DYRK1A: variants seen among roughly 807,000 people sequenced by gnomAD.
DYRK1A encodes dual specificity tyrosine-phosphorylation-regulated kinase 1A.
In DYRK1A, 9 loss-of-function variants were observed where a neutral mutation model predicts 79.7. The ratio of observed to expected loss-of-function variants is 0.11; its 90% CI spans 0.07 to 0.20. The LOEUF is 0.20. DYRK1A is among the 10% of genes least tolerant of loss of function. The probability of loss-of-function intolerance (pLI) is 1.00; values close to 1 mark genes in which losing one functional copy is unlikely to be tolerated. For synonymous variants in DYRK1A, 349 were observed against 329.7 expected, an observed-to-expected ratio of 1.06 and a Z score of -0.63; for missense variants, 622 against 956.0, an observed-to-expected ratio of 0.65 and a Z score of 4.61.
chr21:37,519,025 A>G lies in DYRK1A; in HGVS notation c.*6494A>G, dbSNP rs1462043039. 1 of 152,238 alleles carries G rather than the reference A, an allele frequency of 6.6e-6. No individual in the cohort carries two copies. The highest frequency in any genetic ancestry group is 2.4e-5 in the African/African-American group (1 of 41,456). 9.4% of individuals were successfully genotyped at this position (152,238 alleles called of 1,614,324 possible). The stretch of plus-strand genomic sequence containing the variant: ...AATGTTATAAACAAGCCTCCGGGAA[A>G]GGCAGAAATTGCCAGATGTAAGTAT... On this transcript the variant is annotated 3_prime_UTR_variant, in exon 12 of 12. Coordinates refer to ENST00000647188, the MANE Select transcript of DYRK1A (RefSeq NM_001347721.2).
chr21:37,371,867 G>A lies in DYRK1A; in HGVS notation c.-77+4239G>A, dbSNP rs146172088. Among the ~76,000 whole-genome samples the A allele has an allele frequency of 2.0e-5, 3 of 152,116 alleles. No individual in the cohort carries two copies. The East Asian group carries it at 5.8e-4, about 29-fold the overall frequency. On this transcript the variant is annotated intron_variant, in intron 1 of 11. Coordinates refer to ENST00000647188, the MANE Select transcript of DYRK1A (RefSeq NM_001347721.2). Reference sequence around the variant, plus strand: ...CAACTCTATTTTAAATAACATCCCTGTTCATTAAATAACCCCCTAATTTTT... The same window carrying A: ...CAACTCTATTTTAAATAACATCCCTATTCATTAAATAACCCCCTAATTTTT...
chr21:37,438,996 A>G (rs1367396645), intron 2 of DYRK1A, among the ~76,000 whole-genome samples: 1 of 152,170 alleles, frequency 6.6e-6, no homozygotes, highest in Non-Finnish European at 1.5e-5. Flanking sequence ...AATTTTCAGT[A>G]TGCAGTTTTT....
chr21:37,374,364 TC>T (rs923811148), intron 1 of DYRK1A, among the ~76,000 whole-genome samples: 2 of 149,738 alleles, frequency 1.3e-5, no homozygotes, highest in Non-Finnish European at 3.0e-5. Context: ...CCTCTTGAAT[TC>T]CTGTGGATTT....
chr21:37,374,227 C>T (rs1019785419), intron 1 of DYRK1A, among the ~76,000 whole-genome samples: 2 of 151,648 alleles, frequency 1.3e-5, no homozygotes, highest in African/African-American at 4.9e-5. Flanking sequence ...CTTGCTCATA[C>T]CCTCAGCAAA....
chr21:37,406,109 A>G (rs2050141620), intron 1 of DYRK1A, among the ~76,000 whole-genome samples: 1 of 152,036 alleles, frequency 6.6e-6, no homozygotes, highest in African/African-American at 2.4e-5. Context: ...CTGTGGCTAC[A>G]TCCAGTTGTA....
chr21:37,499,352 C>G (rs116169128), intron 9 of DYRK1A, among the ~76,000 whole-genome samples: 6 of 152,194 alleles, frequency 3.9e-5, no homozygotes, highest in African/African-American at 1.4e-4. Context: ...CTAGTAGTTA[C>G]AGCAGCATTT....
rs569413654 is a variant in DYRK1A, at chr21:37,523,469, G to T, written c.*10938G>T. On this transcript the variant is annotated 3_prime_UTR_variant, in exon 12 of 12. Transcript: ENST00000647188. ...TGTAAATGGAAGAAAAAATAAGAGA[G>T]ATTCATTATGTTCTAATGACTATGA... 6.6e-6 allele frequency: 1 copy of T among 152,306 alleles called. No individual in the cohort carries two copies. Among genetic ancestry groups the T allele is most frequent in the East Asian group, 1.9e-4 (1 of 5,184 alleles). 9.4% of individuals were successfully genotyped at this position (152,306 alleles called of 1,614,324 possible).
intron 2 of DYRK1A, among the ~76,000 whole-genome samples, chr21:37,460,870 A>T (rs2051816207): frequency 6.6e-6 from 1 of 152,170 alleles, no homozygotes; most frequent in African/African-American, 2.4e-5. Flanking sequence ...ATTAAAGAAA[A>T]TATAAATTTA....
intron 1 of DYRK1A, among the ~76,000 whole-genome samples, chr21:37,367,832 A>G (rs1484068419): frequency 1.3e-5 from 2 of 150,306 alleles, no homozygotes; most frequent in Non-Finnish European, 3.0e-5. Flanking sequence ...GCGGAGGGAA[A>G]GTTGCGGAGG....
intron 2 of DYRK1A, among the ~76,000 whole-genome samples, chr21:37,442,160 T>A (rs1452390698): frequency 6.6e-6 from 1 of 152,124 alleles, no homozygotes; most frequent in Non-Finnish European, 1.5e-5. Flanking sequence ...CATTGGTTTT[T>A]AGCAGTTTGA....
intron 1 of DYRK1A, among the ~76,000 whole-genome samples, chr21:37,389,969 G>C (rs1341526573): frequency 2.6e-5 from 4 of 151,166 alleles, no homozygotes; most frequent in African/African-American, 9.7e-5. Flanking sequence ...ACTTGCCTGG[G>C]ATGGAATGCA....
chr21:37,404,347 G>A (rs115734702), intron 1 of DYRK1A, among the ~76,000 whole-genome samples: 2,711 of 152,166 alleles, frequency 0.018, 71 homozygotes, highest in African/African-American at 0.061. Flanking sequence ...TCTGTGGCTG[G>A]GTAGGGACCC....
chr21:37,403,201 T>G (rs1205724827), intron 1 of DYRK1A, among the ~76,000 whole-genome samples: 1 of 152,114 alleles, frequency 6.6e-6, no homozygotes, highest in Non-Finnish European at 1.5e-5. Context: ...GAGTTTTCTT[T>G]TTGTTCTTTT....
At chr21:37,383,617 G>C (rs150756232) in intron 1 of DYRK1A, among the ~76,000 whole-genome samples, 1,578 of 152,286 alleles carry the variant, frequency 0.01, 10 homozygotes, top group Middle Eastern at 0.041. Context: ...CCTGTTTATT[G>C]ATTTAATTAG....
chr21:37,395,858 A>G (rs1300050115), intron 1 of DYRK1A, among the ~76,000 whole-genome samples: 3 of 152,230 alleles, frequency 2.0e-5, no homozygotes, highest in Non-Finnish European at 4.4e-5. Flanking sequence ...CTGTTAGGAT[A>G]GACTCTGTTC....
Position 37,505,280 on chromosome 21 carries a change from C to T in DYRK1A, c.1213-3C>T, listed in dbSNP as rs755806405. 171 of 1,604,298 alleles carry T rather than the reference C, an allele frequency of 1.1e-4. No homozygotes were observed. Among genetic ancestry groups the T allele is most frequent in the Non-Finnish European group, 6.0e-5 (70 of 1,173,326 alleles). ...AGAAAGCCTTTCATCTTCTCTCTTA[C>T]AGGAGTACAAACCACCAGGAACCCG... On this transcript the variant is annotated splice_polypyrimidine_tract_variant and splice_region_variant and intron_variant, in intron 9 of 11. Coordinates refer to ENST00000647188, the MANE Select transcript of DYRK1A (RefSeq NM_001347721.2).
chr21:37,478,387 TC>T (rs2052478693), intron 4 of DYRK1A, 87 bp downstream of exon 4: 1 of 1,110,652 alleles, frequency 9.0e-7, no homozygotes, highest in South Asian at 1.5e-5. Context: ...AACTTTTTTT[TC>T]ATTCCTAGTA....
chr21:37,413,474 A>G (rs1455184070), intron 1 of DYRK1A, among the ~76,000 whole-genome samples: 1 of 152,160 alleles, frequency 6.6e-6, no homozygotes, highest in African/African-American at 2.4e-5. Context: ...TGGTGCTGTC[A>G]GAAGGGAGAG....
intron 4 of DYRK1A, 98 bp downstream of exon 4, chr21:37,478,398 A>G: frequency 1.1e-6 from 1 of 939,576 alleles, no homozygotes; most frequent in Non-Finnish European, 1.6e-6. Context: ...CATTCCTAGT[A>G]GTTGTCATAT....
Sources: allele counts gnomAD v4.1 joint callset (sites outside exome capture counted in the v4.1 genomes callset), GRCh38; gene constraint gnomAD v4.1.1; transcripts MANE v1.5; gene names NCBI Gene and HGNC (gene_info 2026-07-23, HGNC 2026-07-21).